DGAT2: variants seen among roughly 807,000 people sequenced by gnomAD.
DGAT2 encodes the protein acyl-CoA retinol O-fatty-acyltransferase.
In DGAT2, 33 loss-of-function variants were observed where a neutral mutation model predicts 48.4. That is an observed-to-expected ratio of 0.68 (90% CI 0.52 to 0.91). The LOEUF (loss-of-function observed/expected upper bound fraction) is 0.91. DGAT2 is among the 40% of genes least tolerant of loss of function. The pLI, the probability that DGAT2 is intolerant of heterozygous loss-of-function variation, is 0.00. For synonymous variants in DGAT2, 191 were observed against 194.1 expected (o/e 0.98, Z 0.13); for missense variants, 446 against 493.7 (o/e 0.90, Z 0.92).
At chr11:75,772,099 G>A (rs187828148) in intron 1 of DGAT2, among the ~76,000 whole-genome samples, 174 of 152,312 alleles carry the variant, frequency 1.1e-3, no homozygotes, top group African/African-American at 4.1e-3. Context: ...GAAGGGCTGA[G>A]TGCAGGGCTC....
intron 4 of DGAT2, 103 bp downstream of exon 4, chr11:75,790,834 C>A: frequency 8.7e-7 from 1 of 1,153,426 alleles, no homozygotes; most frequent in South Asian, 1.3e-5. Flanking sequence ...CCAAGTTGGT[C>A]TCTTCATTTC....
At chr11:75,783,594 G>A (rs1475427941) in intron 1 of DGAT2, among the ~76,000 whole-genome samples, 1 of 152,166 alleles carries the variant, frequency 6.6e-6, no homozygotes, top group African/African-American at 2.4e-5. Flanking sequence ...AATATTTAAT[G>A]GGCACACAGT....
At chr11:75,787,939 C>A (rs1944939239) in intron 2 of DGAT2, among the ~76,000 whole-genome samples, 1 of 152,186 alleles carries the variant, frequency 6.6e-6, no homozygotes, top group Non-Finnish European at 1.5e-5. Context: ...TCTCTGGATA[C>A]CCCATCAGGC....
rs749307451 is a variant in DGAT2, at chr11:75,790,728, C to A, written c.426C>A (p.Ile142=). ...VWRYFRDYFP[I]QLVKTHNLLT... Reference sequence around the variant, plus strand: ...GCTACTTTCGAGACTACTTTCCCATCCAGGTAAAGTGCTGTGAGTGTTGTT... The same window carrying A: ...GCTACTTTCGAGACTACTTTCCCATACAGGTAAAGTGCTGTGAGTGTTGTT... Residue 142 remains isoleucine (I), a synonymous_variant, in exon 4 of 8, where the codon ATC becomes ATA. Coordinates refer to ENST00000228027, the MANE Select transcript of DGAT2 (RefSeq NM_032564.5). 3.1e-6 allele frequency: 5 copies of A among 1,614,122 alleles called. No homozygotes were observed. The highest frequency in any genetic ancestry group is 4.2e-6 in the Non-Finnish European group (5 of 1,180,000).
At chr11:75,774,981 A>G (rs1281710022) in intron 1 of DGAT2, among the ~76,000 whole-genome samples, 1 of 152,172 alleles carries the variant, frequency 6.6e-6, no homozygotes, top group African/African-American at 2.4e-5. Flanking sequence ...ATGGCATTCT[A>G]AGAGTCTCAC....
chr11:75,790,768 A>G, intron 4 of DGAT2, 37 bp downstream of exon 4: 19 of 1,608,566 alleles, frequency 1.2e-5, no homozygotes, highest in Non-Finnish European at 1.6e-5. Context: ...GAGGGTGGGA[A>G]TGGATGGGAA....
At chr11:75,798,578 A>G in intron 7 of DGAT2, 149 bp downstream of exon 7, 3 of 887,514 alleles carry the variant, frequency 3.4e-6, no homozygotes, top group Non-Finnish European at 5.1e-6. Flanking sequence ...GGGTGCTGAT[A>G]TTGGTCAGGA....
At chr11:75,780,975 A>G (rs552404287) in intron 1 of DGAT2, among the ~76,000 whole-genome samples, 10 of 152,356 alleles carry the variant, frequency 6.6e-5, no homozygotes, top group African/African-American at 2.2e-4. Context: ...GGCTGGCCTG[A>G]CAGGGCACTG....
Position 75,797,341 on chromosome 11 carries a change from C to T in DGAT2, c.809+9C>T. The T allele has an allele frequency of 1.4e-6, 2 of 1,469,062 alleles. No individual in the cohort carries two copies. The highest frequency in any genetic ancestry group is 1.8e-6 in the Non-Finnish European group (2 of 1,104,554). The allele number at this position is 1,469,062 out of a possible 1,614,324, so 91.0% of individuals were successfully genotyped here. A position where few individuals can be genotyped will look rare whatever the true frequency, so the allele number is the denominator to read the frequency against. ...CTGGCCCTGCGTCATGGGTGAGTGC[C>T]TCCCTACACACACACACACCCCTCC... On this transcript the variant is annotated intron_variant, in intron 6 of 7. Transcript: ENST00000228027.
In DGAT2 at chr11:75,769,410, A is replaced by G. The variant is rs112787106; in HGVS notation, c.121+298A>G. Among the ~76,000 whole-genome samples, 707 of 152,032 alleles carry G rather than the reference A, an allele frequency of 4.7e-3. 1 individual carries two copies. Among genetic ancestry groups the G allele is most frequent in the South Asian group, 0.011 (54 of 4,802 alleles). On this transcript the variant is annotated intron_variant, in intron 1 of 7. Coordinates refer to ENST00000228027, the MANE Select transcript of DGAT2 (RefSeq NM_032564.5). ...CCTCCCCTCTCCCTTCACCAGGTAGAGCGAGCTTTGGCAGTGATAGACTGG... is the reference window on the plus strand; with the variant it reads ...CCTCCCCTCTCCCTTCACCAGGTAGGGCGAGCTTTGGCAGTGATAGACTGG...
At chr11:75,784,582 G>A in intron 1 of DGAT2, 36 bp from the exon 2 acceptor site, 6 of 1,611,484 alleles carry the variant, frequency 3.7e-6, no homozygotes, top group Non-Finnish European at 5.1e-6. Context: ...CTGGAGAGAA[G>A]GGTGACAGTG....
chr11:75,783,919 T>C (rs1300329934), intron 1 of DGAT2, among the ~76,000 whole-genome samples: 1 of 152,192 alleles, frequency 6.6e-6, no homozygotes, highest in African/African-American at 2.4e-5. Context: ...TCAGGCTGCC[T>C]GAAGCTCACT....
intron 1 of DGAT2, among the ~76,000 whole-genome samples, chr11:75,781,363 C>G (rs558371691): frequency 6.6e-6 from 1 of 152,192 alleles, no homozygotes; most frequent in South Asian, 2.1e-4. Flanking sequence ...GGGCCTCTGC[C>G]TAGAATATTT....
At position 75,795,884 on chromosome 11, in the gene DGAT2, A is replaced by C. The variant is rs369636005; in HGVS notation, c.430-444A>C. The C allele has an allele frequency of 1.8e-5, 3 of 168,476 alleles. No homozygotes were observed. The East Asian group carries it at 5.0e-4, about 28-fold the overall frequency. The allele number at this position is 168,476 out of a possible 1,614,324, so 10.4% of individuals were successfully genotyped here. ...ACAGTGGGGGCAGAGCTTGCAGCCA[A>C]GGCCCCGGTTGCCAAACTCAGGAAC... On this transcript the variant is annotated intron_variant, in intron 4 of 7. Transcript: ENST00000228027.
intron 4 of DGAT2, chr11:75,795,964 G>A (rs776517420): frequency 4.6e-5 from 10 of 219,340 alleles, no homozygotes; most frequent in Non-Finnish European, 8.3e-5. Flanking sequence ...AGTGACAAGG[G>A]TTGGATTTGA....
In DGAT2 at chr11:75,800,695, G is replaced by C; in HGVS notation, c.*187G>C. The C allele has an allele frequency of 1.3e-6, 1 of 773,720 alleles. No homozygotes were observed. The highest frequency in any genetic ancestry group is 2.0e-6 in the Non-Finnish European group (1 of 505,014). The allele number at this position is 773,720 out of a possible 1,614,324, so 47.9% of individuals were successfully genotyped here. ...AGTATTTCAAGTTCTTTCACTTCCAGCTTGCCCTGTTCTAGGTGGTGGCTA... is the reference window on the plus strand; with the variant it reads ...AGTATTTCAAGTTCTTTCACTTCCACCTTGCCCTGTTCTAGGTGGTGGCTA... On this transcript the variant is annotated 3_prime_UTR_variant, in exon 8 of 8. Transcript: ENST00000228027.
intron 3 of DGAT2, 60 bp downstream of exon 3, chr11:75,790,355 A>T (rs531271590): frequency 1.5e-6 from 2 of 1,369,620 alleles, no homozygotes; most frequent in Admixed American, 3.4e-5. Flanking sequence ...CCCCCTGCAC[A>T]AGCTGAAGGG....
chr11:75,800,242 C>T (rs963168512), intron 7 of DGAT2, 112 bp from the exon 8 acceptor site: 2 of 1,295,300 alleles, frequency 1.5e-6, no homozygotes, highest in African/African-American at 1.5e-5. Flanking sequence ...GCATTTGGCA[C>T]AGTTCCTTCC....
In DGAT2 at chr11:75,777,362, T is replaced by G. The variant is rs1238160575; in HGVS notation, c.122-7256T>G. Among the ~76,000 whole-genome samples, 3 of 152,106 alleles carry G rather than the reference T, an allele frequency of 2.0e-5. No individual in the cohort carries two copies. The East Asian group carries it at 5.8e-4, about 29-fold the overall frequency. On this transcript the variant is annotated intron_variant, in intron 1 of 7. Coordinates refer to ENST00000228027, the MANE Select transcript of DGAT2 (RefSeq NM_032564.5). Reference sequence around the variant, plus strand: ...TGCAGGTAAGAATCAGAGCCAGGGTTTGAATCCTAAGTTAGCCTGTCGCCT... The same window carrying G: ...TGCAGGTAAGAATCAGAGCCAGGGTGTGAATCCTAAGTTAGCCTGTCGCCT...
Sources: gnomAD v4.1 joint callset for allele counts (sites outside exome capture counted in the v4.1 genomes callset) on GRCh38, gnomAD v4.1.1 for gene constraint, MANE v1.5 for transcripts, NCBI Gene and HGNC (gene_info 2026-07-23, HGNC 2026-07-21) for gene names.